Variants in ANK2 observed in about 807,000 individuals in gnomAD.
The protein encoded by ANK2 is ankyrin-2.
A neutral mutation model predicts 360.5 loss-of-function variants in ANK2; 83 were observed. That is an observed-to-expected ratio of 0.23 (90% CI 0.19 to 0.28). The LOEUF (loss-of-function observed/expected upper bound fraction) is 0.28, where lower values mean the gene tolerates loss of function less well. Among genes scored for constraint, ANK2 ranks in the 10% least tolerant of loss-of-function variants. The probability of loss-of-function intolerance (pLI) is 1.00; values close to 1 mark genes in which losing one functional copy is unlikely to be tolerated. For missense variants in ANK2, 4,201 were observed against 4,795.7 expected, an observed-to-expected ratio of 0.88 and a Z score of 3.66; for synonymous variants, 1,740 against 1,759.5, an observed-to-expected ratio of 0.99 and a Z score of 0.28.
At chr4:112,970,462 C>A (rs2039100341) in intron 2 of ANK2, among the ~76,000 whole-genome samples, 1 of 152,080 alleles carries the variant, frequency 6.6e-6, no homozygotes, top group Non-Finnish European at 1.5e-5. Context: ...TCAAGCAATT[C>A]TCCTGCCTCA....
chr4:112,708,956 A>T, the ANK2 span, among the ~76,000 whole-genome samples: 1 of 152,206 alleles, frequency 6.6e-6, no homozygotes, highest in East Asian at 1.9e-4. Context: ...AGCTTTTGGA[A>T]AATGCTGATG....
At chr4:113,024,672 A>T (rs1052531904) in intron 2 of ANK2, among the ~76,000 whole-genome samples, 2 of 152,086 alleles carry the variant, frequency 1.3e-5, no homozygotes, top group Non-Finnish European at 2.9e-5. Flanking sequence ...AAAGACTCCA[A>T]TGGCATTATG....
chr4:113,133,092 C>A (rs762248586), intron 1 of ANK2, among the ~76,000 whole-genome samples: 1 of 152,016 alleles, frequency 6.6e-6, no homozygotes, highest in African/African-American at 2.4e-5. Context: ...TTGAGGGCAA[C>A]GTAATTATTG....
At chr4:113,311,843 A>G (rs1381854866) in intron 24 of ANK2, among the ~76,000 whole-genome samples, 1 of 152,218 alleles carries the variant, frequency 6.6e-6, no homozygotes, top group Non-Finnish European at 1.5e-5. Context: ...AGGCTGAATT[A>G]AAAAGAAATA....
At chr4:113,117,038 C>T (rs1006990751) in intron 1 of ANK2, 8 of 328,148 alleles carry the variant, frequency 2.4e-5, no homozygotes, top group Non-Finnish European at 4.8e-5. Context: ...TGCCTGTGTG[C>T]GTGCAGGTGT....
At chr4:112,789,569 T>C in the ANK2 span, among the ~76,000 whole-genome samples, 2 of 152,152 alleles carry the variant, frequency 1.3e-5, no homozygotes, top group Non-Finnish European at 2.9e-5. Context: ...ATTGAGTTTA[T>C]TATGGGGAGG....
upstream of ANK2, among the ~76,000 whole-genome samples, chr4:113,048,442 T>G (rs1002010717): frequency 2.7e-5 from 4 of 146,644 alleles, no homozygotes; most frequent in Non-Finnish European, 4.5e-5. Flanking sequence ...TTTTTTTTTT[T>G]TTTTGTATTT....
At chr4:112,941,986 C>T (rs1023094323) in intron 2 of ANK2, among the ~76,000 whole-genome samples, 2 of 151,612 alleles carry the variant, frequency 1.3e-5, no homozygotes, top group African/African-American at 4.8e-5. Flanking sequence ...AGAACAATAG[C>T]TGGCACAAAT....
chr4:113,328,270 A>AC (rs2091061494), intron 26 of ANK2, among the ~76,000 whole-genome samples: 2 of 152,268 alleles, frequency 1.3e-5, no homozygotes, highest in Middle Eastern at 3.4e-3. Context: ...GAAAAAAAAA[A>AC]CAAAGGAAAT....
intron 17 of ANK2, among the ~76,000 whole-genome samples, chr4:113,279,167 A>G (rs571750879): frequency 6.6e-6 from 1 of 152,292 alleles, no homozygotes; most frequent in South Asian, 2.1e-4. Flanking sequence ...GAAAATATAT[A>G]TGAATGTCGT....
At chr4:113,231,725 T>C (rs564239872) in intron 4 of ANK2, among the ~76,000 whole-genome samples, 13 of 152,108 alleles carry the variant, frequency 8.5e-5, no homozygotes, top group Admixed American at 8.5e-4. Context: ...TGCCTCAGCC[T>C]CCCGAGTAGC....
intron 4 of ANK2, among the ~76,000 whole-genome samples, chr4:113,219,596 C>G (rs991237754): frequency 5.9e-5 from 9 of 152,084 alleles, no homozygotes; most frequent in Non-Finnish European, 1.2e-4. Flanking sequence ...TCATCACTTG[C>G]AAGAGCAGAT....
chr4:113,236,069 T>C (rs1440368513), intron 5 of ANK2, among the ~76,000 whole-genome samples: 1 of 152,144 alleles, frequency 6.6e-6, no homozygotes, highest in African/African-American at 2.4e-5. Context: ...CTATTGCCCA[T>C]ATTTTTTTCT....
At chr4:112,716,986 A>G in the ANK2 span, among the ~76,000 whole-genome samples, 1 of 152,150 alleles carries the variant, frequency 6.6e-6, no homozygotes, top group Admixed American at 6.6e-5. Flanking sequence ...CTACATCTGG[A>G]ATTTATTTTT....
chr4:112,957,665 CG>C (rs1207120770), intron 2 of ANK2, among the ~76,000 whole-genome samples: 1 of 150,654 alleles, frequency 6.6e-6, no homozygotes, highest in Non-Finnish European at 1.5e-5. Flanking sequence ...ACCTCCCTCC[CG>C]GACGGGGCGG....
rs2059043041 is a variant in ANK2, at chr4:113,272,887, A to G, written c.1486-1565A>G. On this transcript the variant is annotated intron_variant, in intron 14 of 45. Transcript: ENST00000357077. The stretch of plus-strand genomic sequence containing the variant: ...ACCCCAGAAACAACAAATGTTCATC[A>G]TAGCTATTCTCAAGTTCCTTGGTTT... Among the ~76,000 whole-genome samples the G allele has an allele frequency of 2.6e-5, 4 of 152,322 alleles. No individual in the cohort carries two copies. In the South Asian group the frequency reaches 8.3e-4, roughly 32 times the overall value.
chr4:113,241,520 T>G (rs561488141), intron 8 of ANK2, among the ~76,000 whole-genome samples: 1 of 152,286 alleles, frequency 6.6e-6, no homozygotes, highest in Non-Finnish European at 1.5e-5. Context: ...TAAAATTTTT[T>G]GTAGCGATGA....
chr4:112,938,473 G>A (rs1485228071), intron 2 of ANK2, among the ~76,000 whole-genome samples: 1 of 152,152 alleles, frequency 6.6e-6, no homozygotes, highest in Non-Finnish European at 1.5e-5. Flanking sequence ...AGAGAAGGTG[G>A]TATGTTCCAG....
At chr4:112,840,758 A>G (rs2061915311) in intron 1 of ANK2, among the ~76,000 whole-genome samples, 2 of 152,228 alleles carry the variant, frequency 1.3e-5, no homozygotes, top group African/African-American at 4.8e-5. Flanking sequence ...TGAGTCTAGT[A>G]GCATCATCCT....
Sources: allele counts gnomAD v4.1 joint callset (sites outside exome capture counted in the v4.1 genomes callset), GRCh38; gene constraint gnomAD v4.1.1; transcripts MANE v1.5; gene names NCBI Gene and HGNC (gene_info 2026-07-23, HGNC 2026-07-21).